Variants in INCENP observed in about 807,000 individuals in gnomAD.
INCENP encodes inner centromere protein, also known as binds and activates aurora-B and -C in vivo and in vitro.
INCENP carries 43 observed loss-of-function variants against 107.3 expected under a neutral mutation model. That is an observed-to-expected ratio of 0.40 (90% CI 0.31 to 0.52). The LOEUF (loss-of-function observed/expected upper bound fraction) is 0.52. Among genes scored for constraint, INCENP ranks in the 20% least tolerant of loss-of-function variants. The probability of loss-of-function intolerance (pLI) is 0.53; values close to 1 mark genes in which losing one functional copy is unlikely to be tolerated. For missense variants in INCENP, 1,089 were observed against 1,250.9 expected, an observed-to-expected ratio of 0.87 and a Z score of 1.95; for synonymous variants, 488 against 494.4, an observed-to-expected ratio of 0.99 and a Z score of 0.17.
chr11:62,127,432 A>C (rs1413376792), intron 1 of INCENP, among the ~76,000 whole-genome samples: 2 of 152,214 alleles, frequency 1.3e-5, no homozygotes, highest in Non-Finnish European at 2.9e-5. Flanking sequence ...CTTGTAGGCA[A>C]GTTTTCTTAA....
intron 4 of INCENP, among the ~76,000 whole-genome samples, chr11:62,133,485 G>A (rs1277647931): frequency 6.6e-6 from 1 of 152,186 alleles, no homozygotes; most frequent in Non-Finnish European, 1.5e-5. Flanking sequence ...GGAAGGGACA[G>A]GCCCACTGCC....
Position 62,152,544 on chromosome 11 carries a change from T to C in INCENP, c.*568T>C, listed in dbSNP as rs1944398115. 6.5e-6 allele frequency: 1 copy of C among 153,054 alleles called. No individual in the cohort carries two copies. The highest frequency in any genetic ancestry group is 1.5e-5 in the Non-Finnish European group (1 of 68,766). The allele number at this position is 153,054 out of a possible 1,614,324, so 9.5% of individuals were successfully genotyped here. A position where few individuals can be genotyped will look rare whatever the true frequency, so the allele number is the denominator to read the frequency against. On this transcript the variant is annotated 3_prime_UTR_variant, in exon 19 of 19. Coordinates refer to ENST00000394818, the MANE Select transcript of INCENP (RefSeq NM_001040694.2). Reference sequence around the variant, plus strand: ...AGGAACACGTCAGTTACTGTCACGATGGGGCAGGTGGAGCTCCTTCCTATT... The same window carrying C: ...AGGAACACGTCAGTTACTGTCACGACGGGGCAGGTGGAGCTCCTTCCTATT...
intron 4 of INCENP, among the ~76,000 whole-genome samples, chr11:62,133,588 C>G (rs1162050950): frequency 6.6e-6 from 1 of 152,204 alleles, no homozygotes; most frequent in Non-Finnish European, 1.5e-5. Flanking sequence ...TCCCTACCAC[C>G]AGACCAGCTC....
chr11:62,132,481 T>A (rs1943912510), intron 4 of INCENP, among the ~76,000 whole-genome samples: 1 of 152,236 alleles, frequency 6.6e-6, no homozygotes, highest in Non-Finnish European at 1.5e-5. Flanking sequence ...ATGTGCAGTC[T>A]GCCACACTGT....
chr11:62,130,165 C>T lies in INCENP; in HGVS notation c.638C>T (p.Thr213Ile). The T allele has an allele frequency of 6.2e-7, 1 of 1,613,986 alleles. No homozygotes were observed. Among genetic ancestry groups the T allele is most frequent in the Non-Finnish European group, 8.5e-7 (1 of 1,180,040 alleles). Residue 213 changes from threonine (T) to isoleucine (I), a missense_variant, in exon 4 of 19, where the codon ACA (threonine) becomes ATA (isoleucine). Physicochemically the swap from Thr to Ile is moderately conservative, Grantham distance 89. Transcript: ENST00000394818. The stretch of plus-strand genomic sequence containing the variant: ...GCTCCAACCTCCCAGGGCATCCCGA[C>T]ATCAGATGAGGAATCAACACCTAAG... ...ATAPTSQGIPTSDEESTPKKS... is the reference protein window; with the variant it reads ...ATAPTSQGIPISDEESTPKKS...
rs201430255 is a variant in INCENP, at chr11:62,145,292, G to A, written c.1836+3G>A. On this transcript the variant is annotated splice_donor_region_variant and intron_variant, in intron 13 of 18. Transcript: ENST00000394818. The stretch of plus-strand genomic sequence containing the variant: ...AGATCGACGAGAAGACTGAGAAGGT[G>A]GGAGCCTGGGCTGTGGAGGCCCAGG... The A allele has an allele frequency of 3.1e-6, 5 of 1,613,942 alleles. No homozygotes were observed. Among genetic ancestry groups the A allele is most frequent in the East Asian group, 2.2e-5 (1 of 44,876 alleles).
intron 4 of INCENP, among the ~76,000 whole-genome samples, chr11:62,132,224 G>A (rs976636406): frequency 2.6e-5 from 4 of 152,264 alleles, no homozygotes; most frequent in Non-Finnish European, 5.9e-5. Context: ...CTTTACAGAG[G>A]AGGAAACTGA....
intron 1 of INCENP, among the ~76,000 whole-genome samples, chr11:62,125,940 T>C (rs1452703812): frequency 2.0e-5 from 3 of 152,184 alleles, no homozygotes; most frequent in Admixed American, 1.3e-4. Context: ...GGGGCTACTT[T>C]AGATTGGTTT....
intron 1 of INCENP, among the ~76,000 whole-genome samples, chr11:62,126,222 G>A (rs60124720): frequency 0.046 from 6,732 of 145,906 alleles, 184 homozygotes; most frequent in African/African-American, 0.051. Flanking sequence ...TTGAGATAGA[G>A]TCTCCCTCTG....
chr11:62,136,713 T>G (rs555036465), intron 4 of INCENP, among the ~76,000 whole-genome samples: 1 of 152,080 alleles, frequency 6.6e-6, no homozygotes, highest in East Asian at 1.9e-4. Flanking sequence ...TTTTTACACC[T>G]TCATCAAGGA....
chr11:62,130,721 C>T (rs1943876193), intron 4 of INCENP, 131 bp downstream of exon 4: 1 of 755,450 alleles, frequency 1.3e-6, no homozygotes, highest in Non-Finnish European at 2.1e-6. Context: ...CACATCTGTG[C>T]TGTCCTGGGA....
rs755384420 is a variant in INCENP, at chr11:62,146,885, G to A, written c.2187G>A (p.Glu729=). 11 of 1,599,744 alleles carry A rather than the reference G, an allele frequency of 6.9e-6. No homozygotes were observed. The highest frequency in any genetic ancestry group is 8.5e-6 in the Non-Finnish European group (10 of 1,177,380). ...LAEQERRREQ[E]RLQAERELQE... ...AGCAGGAGCGTCGGCGGGAGCAGGA[G>A]CGGCTCCAGGCCGAGAGGTGAGGGA... Residue 729 remains glutamate, a synonymous_variant, in exon 15 of 19, where the codon GAG becomes GAA. Coordinates refer to ENST00000394818, the MANE Select transcript of INCENP (RefSeq NM_001040694.2).
At chr11:62,146,596 C>A in intron 14 of INCENP, 62 bp from the exon 15 acceptor site, 2 of 1,541,718 alleles carry the variant, frequency 1.3e-6, no homozygotes, top group Non-Finnish European at 1.7e-6. Flanking sequence ...GGGAGTAGGG[C>A]TGCTGTCCTG....
At chr11:62,150,538 G>A (rs1944352379) in intron 18 of INCENP, among the ~76,000 whole-genome samples, 2 of 152,252 alleles carry the variant, frequency 1.3e-5, no homozygotes, top group Admixed American at 6.5e-5. Flanking sequence ...CAGCAGGGCT[G>A]AAGAGACTTG....
intron 15 of INCENP, among the ~76,000 whole-genome samples, chr11:62,147,346 G>A (rs1401649353): frequency 2.0e-5 from 3 of 152,174 alleles, no homozygotes; most frequent in Admixed American, 6.5e-5. Context: ...TTTTCAGACT[G>A]TTCCCCTGCC....
intron 10 of INCENP, 92 bp downstream of exon 10, chr11:62,141,136 A>G: frequency 6.7e-7 from 1 of 1,500,558 alleles, no homozygotes; most frequent in East Asian, 2.4e-5. Context: ...GAGTAGTGTG[A>G]GCCTGGGCGG....
rs1944087651 is a variant in INCENP, at chr11:62,140,326, C to G, written c.1343+41C>G. On this transcript the variant is annotated intron_variant, in intron 8 of 18. Coordinates refer to ENST00000394818, the MANE Select transcript of INCENP (RefSeq NM_001040694.2). ...GGGGTGTGTAGGTAACTCTGAGGGCCCTGGAGGATGTGGCCTTGTGTCCTT... is the reference window on the plus strand; with the variant it reads ...GGGGTGTGTAGGTAACTCTGAGGGCGCTGGAGGATGTGGCCTTGTGTCCTT... 2.6e-6 allele frequency: 4 copies of G among 1,551,374 alleles called. No homozygotes were observed. The African/African-American group carries it at 5.4e-5, about 21-fold the overall frequency.
chr11:62,138,914 G>A lies in INCENP; in HGVS notation c.1200G>A (p.Ser400=), dbSNP rs145784329. 113 of 1,613,782 alleles carry A rather than the reference G, an allele frequency of 7.0e-5. No homozygotes were observed. The highest frequency in any genetic ancestry group is 9.0e-5 in the Non-Finnish European group (106 of 1,179,806). Reference sequence around the variant, plus strand: ...TCCCTGAGAACAATGGAAATAACTCGTGGCCCCACAATGACACGGAGATTG... The same window carrying A: ...TCCCTGAGAACAATGGAAATAACTCATGGCCCCACAATGACACGGAGATTG... The part of the protein sequence containing the change: ...PEVPENNGNN[S]WPHNDTEIAN... The change falls in exon 7 of 19, where the codon TCG becomes TCA. Residue 400 remains serine, a synonymous_variant. Coordinates refer to ENST00000394818, the MANE Select transcript of INCENP (RefSeq NM_001040694.2).
chr11:62,140,705 A>G lies in INCENP; in HGVS notation c.1345A>G (p.Arg449Gly), dbSNP rs764321537. ...ATGCCGCCGCCCGCGCCTTGGCAGGAGGAAGCGCAGCTACAAGCAGGCCGT... is the reference window on the plus strand; with the variant it reads ...ATGCCGCCGCCCGCGCCTTGGCAGGGGGAAGCGCAGCTACAAGCAGGCCGT... The part of the protein sequence containing the change: ...GPREPPQSAR[R>G]KRSYKQAVSE... Residue 449 changes from arginine to glycine, a missense_variant and splice_region_variant, in exon 9 of 19, where the codon AGG becomes GGG. Arg to Gly is a moderately radical substitution (Grantham distance 125). Coordinates refer to ENST00000394818, the MANE Select transcript of INCENP (RefSeq NM_001040694.2). 4.2e-5 allele frequency: 65 copies of G among 1,562,140 alleles called. No homozygotes were observed. Among genetic ancestry groups the G allele is most frequent in the Non-Finnish European group, 5.5e-5 (63 of 1,154,644 alleles).
Sources: gnomAD v4.1 joint callset for allele counts (sites outside exome capture counted in the v4.1 genomes callset) on GRCh38, gnomAD v4.1.1 for gene constraint, MANE v1.5 for transcripts, NCBI Gene and HGNC (gene_info 2026-07-23, HGNC 2026-07-21) for gene names.